Variants in FRMPD4 observed in about 807,000 individuals in gnomAD.
The protein encoded by FRMPD4 is FERM and PDZ domain containing 4.
FRMPD4 carries 22 observed loss-of-function variants against 94.1 expected under a neutral mutation model. That is an observed-to-expected ratio of 0.23 (90% confidence interval 0.17 to 0.33). FRMPD4 has a LOEUF of 0.33. FRMPD4 is among the 10% of genes least tolerant of loss of function. The pLI is 1.00. For synonymous variants in FRMPD4, 631 were observed against 548.6 expected (o/e 1.15, Z -2.10); for missense variants, 1,111 against 1,339.9 (o/e 0.83, Z 2.67).
chrX:12,085,252 A>T (rs2055098196), intron 3 of FRMPD4, among the ~76,000 whole-genome samples: 1 of 112,648 alleles, frequency 8.9e-6, no homozygotes, highest in Admixed American at 9.4e-5. Flanking sequence ...ATTTTGTAAA[A>T]TTAAAATATA....
At chrX:12,709,592 A>T (rs1602357676) in intron 13 of FRMPD4, among the ~76,000 whole-genome samples, 2 of 111,364 alleles carry the variant, frequency 1.8e-5, no homozygotes, top group Middle Eastern at 9.2e-3. Context: ...GATCTCTGGC[A>T]CTTTTCATTC....
At chrX:12,406,386 G>A (rs748289190) in intron 1 of FRMPD4, among the ~76,000 whole-genome samples, 2 of 111,862 alleles carry the variant, frequency 1.8e-5, no homozygotes, top group South Asian at 7.4e-4. Flanking sequence ...GAGGGTGGTG[G>A]CATTATGTAT....
intron 1 of FRMPD4, among the ~76,000 whole-genome samples, chrX:12,391,552 G>A (rs1048986961): frequency 8.9e-6 from 1 of 111,742 alleles, no homozygotes; most frequent in Non-Finnish European, 1.9e-5. Context: ...AAGTCATTTG[G>A]TATCTGGTCC....
intron 2 of FRMPD4, among the ~76,000 whole-genome samples, chrX:12,513,938 T>C (rs1356857680): frequency 1.8e-5 from 2 of 111,858 alleles, no homozygotes; most frequent in Non-Finnish European, 3.8e-5. Flanking sequence ...TTCACTTCCC[T>C]TGTTAGCTGT....
intron 3 of FRMPD4, among the ~76,000 whole-genome samples, chrX:12,028,979 T>C (rs2054676634): frequency 8.9e-6 from 1 of 112,297 alleles, no homozygotes; most frequent in Non-Finnish European, 1.9e-5. Flanking sequence ...GGTTCTCAAC[T>C]CCTTTGGGAA....
chrX:12,420,086 C>G (rs745916645), intron 1 of FRMPD4, among the ~76,000 whole-genome samples: 24 of 111,733 alleles, frequency 2.1e-4, no homozygotes, highest in African/African-American at 7.8e-4. Flanking sequence ...TAATTTAACA[C>G]GCCCTGAACT....
At chrX:12,298,951 T>C (rs764871727) in intron 1 of FRMPD4, among the ~76,000 whole-genome samples, 1 of 111,840 alleles carries the variant, frequency 8.9e-6, no homozygotes, top group African/African-American at 3.2e-5. Flanking sequence ...GCAAGAATTT[T>C]AGCCTAGAAA....
intron 1 of FRMPD4, among the ~76,000 whole-genome samples, chrX:12,370,682 GAGA>G (rs1455297008): frequency 8.9e-6 from 1 of 112,663 alleles, no homozygotes; most frequent in Non-Finnish European, 1.9e-5. Flanking sequence ...AGTATTACGT[GAGA>G]AGAAGGAAGG....
chrX:11,889,384 GTTGTAAGTTGAACCA>G (rs1420797898), intron 3 of FRMPD4, among the ~76,000 whole-genome samples: 1 of 112,131 alleles, frequency 8.9e-6, no homozygotes, highest in Admixed American at 9.4e-5. Context: ...CATACTGAAT[GTTGTAAGTTGAACCA>G]TTGTAAGTCT....
At chrX:11,971,949 G>A (rs193069454) in intron 3 of FRMPD4, among the ~76,000 whole-genome samples, 2 of 111,961 alleles carry the variant, frequency 1.8e-5, no homozygotes, top group African/African-American at 6.5e-5. Flanking sequence ...TTGGTTGTTT[G>A]GTGAACAGAT....
At chrX:12,455,653 C>T (rs748719287) in intron 1 of FRMPD4, among the ~76,000 whole-genome samples, 2 of 111,683 alleles carry the variant, frequency 1.8e-5, no homozygotes, top group South Asian at 7.6e-4. Context: ...TGGCCTAGGA[C>T]ATCATTGGAC....
chrX:12,111,056 T>C (rs1385217635), intron 3 of FRMPD4, among the ~76,000 whole-genome samples: 1 of 111,448 alleles, frequency 9.0e-6, no homozygotes, highest in Non-Finnish European at 1.9e-5. Flanking sequence ...CTTCACAAAA[T>C]TGGAAAAAAC....
At chrX:12,470,369 T>A (rs1240963621) in intron 1 of FRMPD4, among the ~76,000 whole-genome samples, 1 of 112,058 alleles carries the variant, frequency 8.9e-6, no homozygotes, top group African/African-American at 3.2e-5. Flanking sequence ...ATAAATACAG[T>A]TACAGCGACT....
intron 1 of FRMPD4, among the ~76,000 whole-genome samples, chrX:12,277,556 G>C (rs745948815): frequency 8.9e-6 from 1 of 112,136 alleles, no homozygotes; most frequent in African/African-American, 3.2e-5. Context: ...CCAGTCTCTG[G>C]TGATAAGACT....
intron 3 of FRMPD4, among the ~76,000 whole-genome samples, chrX:12,081,768 T>C (rs1008546743): frequency 1.8e-5 from 2 of 111,830 alleles, no homozygotes; most frequent in Non-Finnish European, 3.8e-5. Context: ...TGACAGCTCC[T>C]ACCTTAGAAA....
intron 3 of FRMPD4, among the ~76,000 whole-genome samples, chrX:11,998,649 CT>C (rs963893423): frequency 1.1e-4 from 12 of 111,295 alleles, no homozygotes; most frequent in Non-Finnish European, 2.3e-4. Flanking sequence ...TTTGAAAGTT[CT>C]GCCGAAAAAG....
At chrX:12,242,338 C>T (rs1472921659) in intron 1 of FRMPD4, among the ~76,000 whole-genome samples, 3 of 110,694 alleles carry the variant, frequency 2.7e-5, no homozygotes, top group African/African-American at 6.6e-5. Context: ...TCCAAACTGA[C>T]CTGTTCTAAA....
chrX:12,447,136 C>T (rs2057207009), intron 1 of FRMPD4, among the ~76,000 whole-genome samples: 1 of 111,369 alleles, frequency 9.0e-6, no homozygotes, highest in Admixed American at 9.5e-5. Flanking sequence ...AAATTAATAC[C>T]CCAGTCCTAA....
chrX:12,507,019 G>A (rs2057992890), intron 2 of FRMPD4, among the ~76,000 whole-genome samples: 1 of 111,959 alleles, frequency 8.9e-6, no homozygotes, highest in Non-Finnish European at 1.9e-5. Flanking sequence ...GGTCATTCAT[G>A]TTTCTTAGAA....
Sources: gnomAD v4.1 joint callset for allele counts (sites outside exome capture counted in the v4.1 genomes callset) on GRCh38, gnomAD v4.1.1 for gene constraint, MANE v1.5 for transcripts, NCBI Gene and HGNC (gene_info 2026-07-23, HGNC 2026-07-21) for gene names.